The following LRRC74A variants were observed in gnomAD, a reference collection of about 807,000 sequenced individuals.
LRRC74A encodes the protein leucine rich repeat containing 74A.
In LRRC74A, 44 loss-of-function variants were observed where a neutral mutation model predicts 57.9. That is an observed-to-expected ratio of 0.76 (90% CI 0.60 to 0.98). The LOEUF (loss-of-function observed/expected upper bound fraction) is 0.98. LRRC74A is among the 50% of genes least tolerant of loss of function. The pLI, the probability that LRRC74A is intolerant of heterozygous loss-of-function variation, is 0.00. For synonymous variants in LRRC74A, 211 were observed against 219.4 expected, an observed-to-expected ratio of 0.96 and a Z score of 0.34; for missense variants, 572 against 574.0, an observed-to-expected ratio of 1.00 and a Z score of 0.04.
chr14:76,828,440 G>T, intron 2 of LRRC74A, 21 bp downstream of exon 2: 1 of 1,613,696 alleles, frequency 6.2e-7, no homozygotes, highest in Non-Finnish European at 8.5e-7. Flanking sequence ...GCATTTGGGG[G>T]CAGTCAGGGC....
intron 1 of LRRC74A, among the ~76,000 whole-genome samples, chr14:76,827,319 G>T (rs182442324): frequency 6.6e-6 from 1 of 152,252 alleles, no homozygotes; most frequent in Admixed American, 6.5e-5. Context: ...GATTAAGAAA[G>T]ACCTGCATGG....
intron 3 of LRRC74A, 109 bp from the exon 4 acceptor site, chr14:76,836,098 T>C: frequency 1.3e-6 from 1 of 770,868 alleles, no homozygotes; most frequent in Non-Finnish European, 2.2e-6. Flanking sequence ...TCAGAATTCC[T>C]AGCCTGCATC....
chr14:76,827,094 A>G (rs1202091747), intron 1 of LRRC74A, among the ~76,000 whole-genome samples: 1 of 152,160 alleles, frequency 6.6e-6, no homozygotes, highest in Non-Finnish European at 1.5e-5. Flanking sequence ...TGGAGAATCA[A>G]TTGTTAAAAT....
Position 76,844,888 on chromosome 14 carries a change from G to C in LRRC74A, c.663G>C (p.Leu221=). 6.3e-7 allele frequency: 1 copy of C among 1,576,478 alleles called. No individual in the cohort carries two copies. The highest frequency in any genetic ancestry group is 8.7e-7 in the Non-Finnish European group (1 of 1,145,958). ...TCTCTGATGTAGGAGGGGAGCACCT[G>C]GGCCAGATGCTGGGTGAGTCTCCCT... ...NQFSDVGGEH[L]GQMLAINVGL... Residue 221 remains leucine, a synonymous_variant, in exon 7 of 14, where the codon CTG becomes CTC. Transcript: ENST00000689127.
intron 3 of LRRC74A, among the ~76,000 whole-genome samples, chr14:76,834,188 G>A (rs182295935): frequency 9.2e-5 from 14 of 152,294 alleles, no homozygotes; most frequent in Admixed American, 5.9e-4. Flanking sequence ...ACTGTTTTCC[G>A]GGGATGGGAA....
At chr14:76,856,673 T>C (rs1897904893) in intron 9 of LRRC74A, among the ~76,000 whole-genome samples, 1 of 151,148 alleles carries the variant, frequency 6.6e-6, no homozygotes, top group Non-Finnish European at 1.5e-5. Context: ...CATGGGTGGA[T>C]GGATGGATGA....
intron 7 of LRRC74A, among the ~76,000 whole-genome samples, chr14:76,847,829 G>A (rs114451234): frequency 0.011 from 1,681 of 152,158 alleles, 31 homozygotes; most frequent in African/African-American, 0.038. Flanking sequence ...TGGGAAGCCA[G>A]GAGCTCAAGA....
chr14:76,859,662 C>CTTTTTTTTTTTTTTTTTTTTT (rs1025552496), intron 10 of LRRC74A, among the ~76,000 whole-genome samples: 1 of 80,904 alleles, frequency 1.2e-5, no homozygotes, highest in African/African-American at 5.0e-5. Flanking sequence ...CTGAATTAGC[C>CTTTTTTTTTTTTTTTTTTTTT]TTTTTTTTTT....
chr14:76,853,975 C>G (rs1284794817), intron 9 of LRRC74A, among the ~76,000 whole-genome samples: 2 of 152,240 alleles, frequency 1.3e-5, no homozygotes, highest in African/African-American at 4.8e-5. Flanking sequence ...CCCAGCCCCT[C>G]AGTCTCCTGT....
chr14:76,840,873 G>A (rs568352351), intron 5 of LRRC74A, among the ~76,000 whole-genome samples: 61 of 152,046 alleles, frequency 4.0e-4, no homozygotes, highest in African/African-American at 1.4e-3. Flanking sequence ...ATGAGCCACC[G>A]CACCTGGCCT....
chr14:76,831,990 G>A (rs978336266), intron 3 of LRRC74A, among the ~76,000 whole-genome samples: 4 of 152,254 alleles, frequency 2.6e-5, no homozygotes, highest in Middle Eastern at 3.4e-3. Context: ...CCTAACAACT[G>A]CCTGTCAGCA....
chr14:76,852,266 T>G, intron 7 of LRRC74A, 99 bp from the exon 8 acceptor site: 1 of 807,056 alleles, frequency 1.2e-6, no homozygotes, highest in Non-Finnish European at 1.9e-6. Flanking sequence ...GCATGACCAC[T>G]GAGTGGTCTT....
intron 7 of LRRC74A, among the ~76,000 whole-genome samples, chr14:76,846,920 G>C (rs1414806697): frequency 6.6e-6 from 1 of 152,154 alleles, no homozygotes; most frequent in African/African-American, 2.4e-5. Context: ...CACATTTGGG[G>C]TCATAGGTAT....
intron 4 of LRRC74A, 59 bp downstream of exon 4, chr14:76,836,373 G>T (rs1054135046): frequency 6.1e-6 from 8 of 1,318,198 alleles, no homozygotes; most frequent in Non-Finnish European, 8.5e-6. Flanking sequence ...CAACCCACTG[G>T]AGACAAGCCA....
chr14:76,852,684 T>C (rs950187657), intron 8 of LRRC74A, among the ~76,000 whole-genome samples: 1 of 146,812 alleles, frequency 6.8e-6, no homozygotes, highest in African/African-American at 2.5e-5. Flanking sequence ...AGTGGTGCAA[T>C]CTCGGCTCAC....
At chr14:76,848,126 T>C (rs889053640) in intron 7 of LRRC74A, among the ~76,000 whole-genome samples, 11 of 135,156 alleles carry the variant, frequency 8.1e-5, no homozygotes, top group African/African-American at 3.1e-4. Context: ...TAAGATGAGA[T>C]CCTGGGGTGG....
Position 76,826,576 on chromosome 14 carries a change from G to T in LRRC74A, c.-122G>T. 1 of 1,612,816 alleles carries T rather than the reference G, an allele frequency of 6.2e-7. No individual in the cohort carries two copies. Among genetic ancestry groups the T allele is most frequent in the South Asian group, 1.1e-5 (1 of 90,760 alleles). On this transcript the variant is annotated 5_prime_UTR_variant, in exon 1 of 14. The change abolishes an upstream ATG in the 5' untranslated region. Transcript: ENST00000689127. ...GGATAACTGCAGGCTCCCCTGGGAT[G>T]CCCCCAGGTGAGGGAAGTTCACAGA...
chr14:76,864,265 G>C (rs370662743), intron 11 of LRRC74A, among the ~76,000 whole-genome samples: 3 of 152,166 alleles, frequency 2.0e-5, no homozygotes, highest in South Asian at 2.1e-4. Context: ...GTGGGAGGCC[G>C]TGCACTCCAG....
chr14:76,847,697 A>C (rs1019020493), intron 7 of LRRC74A, among the ~76,000 whole-genome samples: 7 of 152,126 alleles, frequency 4.6e-5, no homozygotes, highest in African/African-American at 1.4e-4. Flanking sequence ...TTAAAAAAAA[A>C]AAAAGTGCTG....
Sources: allele counts gnomAD v4.1 joint callset (sites outside exome capture counted in the v4.1 genomes callset), GRCh38; gene constraint gnomAD v4.1.1; transcripts MANE v1.5; gene names NCBI Gene and HGNC (gene_info 2026-07-23, HGNC 2026-07-21).